Variants in NEBL observed in about 807,000 individuals in gnomAD.
NEBL encodes the protein LIM and SH3 protein 2.
Under a neutral mutation model 140.2 loss-of-function variants are expected in NEBL, and 122 were observed. That is an observed-to-expected ratio of 0.87 (90% CI 0.75 to 1.01). The LOEUF (loss-of-function observed/expected upper bound fraction) is 1.01. Ranked by LOEUF, NEBL falls within the 50% of genes least tolerant of loss-of-function variation. The probability of loss-of-function intolerance (pLI) is 0.00; values close to 1 mark genes in which losing one functional copy is unlikely to be tolerated. For synonymous variants in NEBL, 436 were observed against 398.9 expected (o/e 1.09, Z -1.11); for missense variants, 1,365 against 1,231.3 (o/e 1.11, Z -1.62).
chr10:21,052,439 T>C (rs1834817767), intron 2 of NEBL, among the ~76,000 whole-genome samples: 2 of 152,142 alleles, frequency 1.3e-5, no homozygotes, highest in African/African-American at 4.8e-5. Context: ...CCGGAGAGCC[T>C]GGCAGCAAAA....
chr10:20,791,720 T>C (rs1354248378), intron 26 of NEBL, among the ~76,000 whole-genome samples: 1 of 152,020 alleles, frequency 6.6e-6, no homozygotes, highest in Non-Finnish European at 1.5e-5. Flanking sequence ...GCTCACCAAA[T>C]CTGAAACTGG....
Position 21,236,956 on chromosome 10 carries a change from G to A in NEBL, n.348+10965C>T, listed in dbSNP as rs142589805. ...TTTATAGAGAGAGGACCAAGGCATC[G>A]GTTAGTAACTGACCCAAAGTCACAG... is the stretch of plus-strand genomic sequence containing the variant. On this transcript the variant is annotated intron_variant and non_coding_transcript_variant, in intron 3 of 8. Coordinates refer to the NEBL transcript ENST00000675702. Among the ~76,000 whole-genome samples, 517 of 152,232 alleles carry A rather than the reference G, an allele frequency of 3.4e-3. 1 individual carries two copies. The highest frequency in any genetic ancestry group is 0.01 in the Middle Eastern group (3 of 294).
intron 3 of NEBL, among the ~76,000 whole-genome samples, chr10:21,212,188 A>T (rs980294748): frequency 1.3e-5 from 2 of 151,424 alleles, no homozygotes; most frequent in Non-Finnish European, 2.9e-5. Context: ...TACTGTGTAC[A>T]ATATATGTAT....
chr10:21,056,556 G>A lies in NEBL; in HGVS notation c.165-36355C>T, dbSNP rs370779604. ...CAAAATAGCATCACATCCTAGAAAT[G>A]TTGAACATGCATAGAGAACGAGCCA... On this transcript the variant is annotated intron_variant, in intron 2 of 6. Coordinates refer to the NEBL transcript ENST00000417816. 1.2e-3 allele frequency among the ~76,000 whole-genome samples: 182 copies of A among 152,286 alleles called. 1 individual carries two copies. The highest frequency in any genetic ancestry group is 4.3e-3 in the African/African-American group (178 of 41,558).
At chr10:20,866,085 A>C (rs1313272370) in intron 7 of NEBL, among the ~76,000 whole-genome samples, 1 of 152,104 alleles carries the variant, frequency 6.6e-6, no homozygotes, top group Non-Finnish European at 1.5e-5. Flanking sequence ...TCCCTGAGAG[A>C]CTACAGTTAA....
At chr10:21,213,262 T>C (rs957361845) in intron 3 of NEBL, among the ~76,000 whole-genome samples, 7 of 152,242 alleles carry the variant, frequency 4.6e-5, no homozygotes, top group South Asian at 2.1e-4. Context: ...AACTTGTATT[T>C]GGTCTTGTTG....
chr10:21,052,878 C>T (rs1834837741), intron 2 of NEBL, among the ~76,000 whole-genome samples: 1 of 152,164 alleles, frequency 6.6e-6, no homozygotes, highest in Non-Finnish European at 1.5e-5. Context: ...CCACTAAAGA[C>T]CTGGGGTCCA....
At chr10:20,866,245 G>C (rs1588873998) in intron 7 of NEBL, among the ~76,000 whole-genome samples, 1 of 151,956 alleles carries the variant, frequency 6.6e-6, no homozygotes, top group Non-Finnish European at 1.5e-5. Flanking sequence ...TTATTTAACG[G>C]GTATAGAGTT....
chr10:20,783,359 C>G lies in NEBL; in HGVS notation c.*2388G>C, dbSNP rs1210362736. On this transcript the variant is annotated 3_prime_UTR_variant, in exon 28 of 28. Coordinates refer to ENST00000377122, the MANE Select transcript of NEBL (RefSeq NM_006393.3). Reference sequence around the variant, plus strand: ...TTAGTCTTCATTGTAAAACAACTACCCTTTAGTTAAATTCTGATCAGATCT... The same window carrying G: ...TTAGTCTTCATTGTAAAACAACTACGCTTTAGTTAAATTCTGATCAGATCT... The G allele has an allele frequency of 1.3e-5, 2 of 152,058 alleles. No homozygotes were observed. The highest frequency in any genetic ancestry group is 2.9e-5 in the Non-Finnish European group (2 of 68,024). 9.4% of individuals were successfully genotyped at this position (152,058 alleles called of 1,614,324 possible). A position where few individuals can be genotyped will look rare whatever the true frequency, so the allele number is the denominator to read the frequency against.
chr10:21,110,231 T>A (rs1837932070), intron 2 of NEBL, among the ~76,000 whole-genome samples: 1 of 152,182 alleles, frequency 6.6e-6, no homozygotes, highest in South Asian at 2.1e-4. Flanking sequence ...GTCTGTAGAA[T>A]TGATACTTTT....
chr10:21,136,653 C>T (rs1390615493), intron 2 of NEBL, among the ~76,000 whole-genome samples: 1 of 152,180 alleles, frequency 6.6e-6, no homozygotes, highest in African/African-American at 2.4e-5. Flanking sequence ...CTTTTGCCTT[C>T]CTCTATGCTT....
At position 21,173,887 on chromosome 10, in the gene NEBL, C is replaced by T. The variant is rs1055353194; in HGVS notation, c.-54G>A. 34 of 1,597,128 alleles carry T rather than the reference C, an allele frequency of 2.1e-5. No homozygotes were observed. The highest frequency in any genetic ancestry group is 2.9e-5 in the Non-Finnish European group (34 of 1,175,798). ...GGCGGCTGCTGGCTCCCAGGAGCCG[C>T]TGTGACATCCCCCGGCGAGCCCCGC... On this transcript the variant is annotated 5_prime_UTR_variant, in exon 1 of 7. Transcript: ENST00000417816. The surrounding 1 kb of genome is among the most constrained non-coding windows in gnomAD (Gnocchi z 5.7).
intron 2 of NEBL, among the ~76,000 whole-genome samples, chr10:21,039,060 G>GTT (rs57149647): frequency 1.3e-4 from 13 of 99,402 alleles, no homozygotes; most frequent in South Asian, 3.5e-4. Context: ...TGATGGGGCT[G>GTT]TTTTTTTTTT....
At chr10:21,187,028 GTA>G (rs1491280540) in intron 3 of NEBL, among the ~76,000 whole-genome samples, 1 of 139,144 alleles carries the variant, frequency 7.2e-6, no homozygotes, top group Non-Finnish European at 1.6e-5. Flanking sequence ...GTGTGTGTGT[GTA>G]TACATATGTA....
At chr10:21,078,944 C>A (rs981854677) in intron 2 of NEBL, among the ~76,000 whole-genome samples, 4 of 152,300 alleles carry the variant, frequency 2.6e-5, no homozygotes, top group Non-Finnish European at 4.4e-5. Flanking sequence ...TAAGCACGTG[C>A]GGCTCCTGCC....
chr10:20,905,624 T>C (rs1435847306), intron 4 of NEBL, among the ~76,000 whole-genome samples: 2 of 152,132 alleles, frequency 1.3e-5, no homozygotes, highest in Admixed American at 6.5e-5. Flanking sequence ...CCAAACCATG[T>C]CACCAATAAA....
intron 3 of NEBL, among the ~76,000 whole-genome samples, chr10:20,998,869 T>C (rs948536925): frequency 1.3e-5 from 2 of 152,152 alleles, no homozygotes; most frequent in Non-Finnish European, 1.5e-5. Context: ...CAGTCTGATA[T>C]ACGGATCATG....
At chr10:21,262,609 AG>A (rs1842753297) in intron 1 of NEBL, among the ~76,000 whole-genome samples, 1 of 152,244 alleles carries the variant, frequency 6.6e-6, no homozygotes, top group African/African-American at 2.4e-5. Context: ...TCTCTCAGGA[AG>A]TGATCAAAAT....
chr10:20,789,442 C>A (rs1211600332), intron 26 of NEBL, among the ~76,000 whole-genome samples: 1 of 152,214 alleles, frequency 6.6e-6, no homozygotes, highest in Non-Finnish European at 1.5e-5. Context: ...ATCTCACACT[C>A]TGTAATACAT....
Sources: gnomAD v4.1 joint callset for allele counts (sites outside exome capture counted in the v4.1 genomes callset) on GRCh38, gnomAD v4.1.1 for gene constraint, Gnocchi (gnomAD v3.1) non-coding constraint, MANE v1.5 for transcripts, NCBI Gene and HGNC (gene_info 2026-07-23, HGNC 2026-07-21) for gene names.